SLC39A11: variants seen among roughly 807,000 people sequenced by gnomAD.
SLC39A11 encodes zinc transporter ZIP11.
In SLC39A11, 33 loss-of-function variants were observed where a neutral mutation model predicts 36.1. That is an observed-to-expected ratio of 0.91 (90% CI 0.69 to 1.22). The LOEUF is 1.22. Among genes scored for constraint, SLC39A11 ranks in the 50% most tolerant of loss-of-function variants. The probability of loss-of-function intolerance (pLI) is 0.00; values close to 1 mark genes in which losing one functional copy is unlikely to be tolerated. For synonymous variants in SLC39A11, 166 were observed against 170.3 expected, an observed-to-expected ratio of 0.97 and a Z score of 0.20; for missense variants, 432 against 430.3, an observed-to-expected ratio of 1.00 and a Z score of -0.03.
chr17:72,729,438 TATATATATATATATATATA>T (rs1567994977), intron 7 of SLC39A11, among the ~76,000 whole-genome samples: 97 of 4,756 alleles, frequency 0.02, 4 homozygotes, highest in South Asian at 0.058. Flanking sequence ...TATATATATA[TATATATATATATATATATA>T]TTTTTTTTTT....
At chr17:72,878,874 A>G (rs1339827471) in intron 5 of SLC39A11, among the ~76,000 whole-genome samples, 1 of 152,204 alleles carries the variant, frequency 6.6e-6, no homozygotes, top group Admixed American at 6.5e-5. Flanking sequence ...CTTCAGGTCA[A>G]TTGCAAGTAG....
intron 5 of SLC39A11, among the ~76,000 whole-genome samples, chr17:72,871,294 T>C (rs971742449): frequency 2.0e-5 from 3 of 152,042 alleles, no homozygotes; most frequent in Non-Finnish European, 4.4e-5. Context: ...ACTCCTGAGC[T>C]CAGGCAATCC....
At chr17:72,843,106 C>T (rs371720144) in intron 6 of SLC39A11, among the ~76,000 whole-genome samples, 1 of 151,976 alleles carries the variant, frequency 6.6e-6, no homozygotes, top group African/African-American at 2.4e-5. Context: ...CGTGCCACCA[C>T]GCCCAGCTAA....
intron 6 of SLC39A11, among the ~76,000 whole-genome samples, chr17:72,779,195 G>A (rs1473992643): frequency 2.6e-5 from 4 of 152,314 alleles, no homozygotes; most frequent in East Asian, 3.9e-4. Context: ...TGTAATCCCA[G>A]TACTTTGGGA....
intron 3 of SLC39A11, among the ~76,000 whole-genome samples, chr17:73,041,456 C>G (rs1352911783): frequency 1.3e-5 from 2 of 151,998 alleles, no homozygotes; most frequent in African/African-American, 4.8e-5. Flanking sequence ...TGATGGAAGC[C>G]TGGGTAAGAA....
chr17:72,875,181 G>A (rs2146445833), intron 5 of SLC39A11, among the ~76,000 whole-genome samples: 1 of 152,312 alleles, frequency 6.6e-6, no homozygotes, highest in South Asian at 2.1e-4. Flanking sequence ...AGAAATGTAA[G>A]GAAGTGAGCT....
intron 5 of SLC39A11, among the ~76,000 whole-genome samples, chr17:72,877,092 T>C (rs752355938): frequency 2.0e-5 from 3 of 152,240 alleles, no homozygotes; most frequent in Non-Finnish European, 1.5e-5. Flanking sequence ...AAGCATCATC[T>C]TATCAAAAGA....
intron 4 of SLC39A11, among the ~76,000 whole-genome samples, chr17:72,955,123 G>T (rs964209396): frequency 7.9e-5 from 12 of 152,032 alleles, no homozygotes; most frequent in African/African-American, 2.9e-4. Context: ...GGACAGCAAG[G>T]CAGGTTTTCA....
intron 4 of SLC39A11, among the ~76,000 whole-genome samples, chr17:72,960,837 A>G (rs1049305320): frequency 6.6e-6 from 1 of 151,792 alleles, no homozygotes; most frequent in Non-Finnish European, 1.5e-5. Flanking sequence ...CAAAAAAAAA[A>G]CCCTTCCTTT....
intron 3 of SLC39A11, among the ~76,000 whole-genome samples, chr17:73,050,897 A>G (rs757996657): frequency 6.6e-6 from 1 of 152,140 alleles, no homozygotes; most frequent in African/African-American, 2.4e-5. Flanking sequence ...GCAGGTGAGG[A>G]AAGATGATCC....
intron 3 of SLC39A11, among the ~76,000 whole-genome samples, chr17:73,051,000 G>A (rs777131684): frequency 2.0e-4 from 30 of 152,184 alleles, no homozygotes; most frequent in Non-Finnish European, 4.1e-4. Flanking sequence ...TGGTTTCCTG[G>A]AGCTGCTATA....
In SLC39A11 at chr17:72,780,225, C is replaced by G. The variant is rs141460902; in HGVS notation, c.602-43506G>C. Among the ~76,000 whole-genome samples, 208 of 152,276 alleles carry G rather than the reference C, an allele frequency of 1.4e-3. 1 individual carries two copies. In the East Asian group the frequency reaches 0.022, roughly 16 times the overall value. ...GAGAAAGCAGTGAGGAGAAACTGAG[C>G]TAGCTGAAGGGCAAGAGCTGGATCA... is the stretch of plus-strand genomic sequence containing the variant. On this transcript the variant is annotated intron_variant, in intron 6 of 9. Transcript: ENST00000255559.
rs2077295509 is a variant in SLC39A11, at chr17:72,807,456, C to CT, written c.601+42177dup. 2.0e-5 allele frequency among the ~76,000 whole-genome samples: 3 copies of CT among 152,264 alleles called. No homozygotes were observed. In the South Asian group the frequency reaches 6.2e-4, roughly 32 times the overall value. ...ACCCGAGTTTATGCTAATAAGGTGA[C>CT]TAACTTGAGGTAGGCCCCTAGATAG... On this transcript the variant is annotated intron_variant, in intron 6 of 9. Coordinates refer to ENST00000255559, the MANE Select transcript of SLC39A11 (RefSeq NM_139177.4).
At chr17:72,975,896 C>T (rs1463456756) in intron 4 of SLC39A11, among the ~76,000 whole-genome samples, 4 of 151,996 alleles carry the variant, frequency 2.6e-5, no homozygotes, top group African/African-American at 4.8e-5. Context: ...ATAGGCCAGG[C>T]GTGGTGGCTC....
chr17:72,956,954 T>G (rs1252444367), intron 4 of SLC39A11, among the ~76,000 whole-genome samples: 1 of 152,154 alleles, frequency 6.6e-6, no homozygotes. Flanking sequence ...GGCTCACTGG[T>G]GCATCTGAGG....
At chr17:72,999,724 T>C (rs1180885215) in intron 4 of SLC39A11, among the ~76,000 whole-genome samples, 1 of 152,104 alleles carries the variant, frequency 6.6e-6, no homozygotes, top group African/African-American at 2.4e-5. Context: ...ATTTTAGCTA[T>C]CCTGTATCTG....
intron 6 of SLC39A11, among the ~76,000 whole-genome samples, chr17:72,750,974 T>C (rs937908069): frequency 6.6e-6 from 1 of 152,154 alleles, no homozygotes; most frequent in Non-Finnish European, 1.5e-5. Context: ...AGGCTGTGCA[T>C]GGTGGCTCAC....
intron 7 of SLC39A11, among the ~76,000 whole-genome samples, chr17:72,671,265 ACTT>A (rs1211855031): frequency 1.3e-5 from 2 of 152,098 alleles, no homozygotes; most frequent in Non-Finnish European, 2.9e-5. Context: ...GCTTATGTGA[ACTT>A]CTCCTTTCTG....
chr17:72,665,975 G>T (rs2070737962), intron 7 of SLC39A11, among the ~76,000 whole-genome samples: 1 of 152,182 alleles, frequency 6.6e-6, no homozygotes. Flanking sequence ...AATGCCAGGT[G>T]CATACAGCAA....
Sources: gnomAD v4.1 joint callset for allele counts (sites outside exome capture counted in the v4.1 genomes callset) on GRCh38, gnomAD v4.1.1 for gene constraint, MANE v1.5 for transcripts, NCBI Gene and HGNC (gene_info 2026-07-23, HGNC 2026-07-21) for gene names.